The following SDCCAG8 variants were observed in gnomAD, a reference collection of about 807,000 sequenced individuals.
The protein encoded by SDCCAG8 is SHH signaling and ciliogenesis regulator SDCCAG8.
SDCCAG8 carries 74 observed loss-of-function variants against 101.8 expected under a neutral mutation model. The observed-to-expected ratio is 0.73, with a 90% CI of 0.60 to 0.88. SDCCAG8 has a LOEUF of 0.88. SDCCAG8 is among the 40% of genes least tolerant of loss of function. SDCCAG8 has a pLI of 0.00. For synonymous variants in SDCCAG8, 281 were observed against 292.9 expected (o/e 0.96, Z 0.41); for missense variants, 787 against 822.6 (o/e 0.96, Z 0.53).
At chr1:243,477,269 A>C (rs1662635158) in intron 16 of SDCCAG8, among the ~76,000 whole-genome samples, 1 of 152,200 alleles carries the variant, frequency 6.6e-6, no homozygotes, top group Admixed American at 6.5e-5. Context: ...AGCCACATGC[A>C]GCATAGATAC....
chr1:243,487,556 C>T (rs2994327), intron 16 of SDCCAG8, among the ~76,000 whole-genome samples: 34,585 of 152,182 alleles, frequency 0.23, 4,044 homozygotes, highest in East Asian at 0.35. Context: ...TTGAGGCCAG[C>T]CTGATCCTGG....
intron 17 of SDCCAG8, among the ~76,000 whole-genome samples, chr1:243,495,789 A>G (rs1218375629): frequency 1.3e-5 from 2 of 152,174 alleles, no homozygotes; most frequent in Non-Finnish European, 2.9e-5. Context: ...GTGGCGAGCC[A>G]GAGCTCACGT....
intron 16 of SDCCAG8, among the ~76,000 whole-genome samples, chr1:243,469,820 G>A (rs1028108388): frequency 6.8e-6 from 1 of 147,994 alleles, no homozygotes; most frequent in Non-Finnish European, 1.5e-5. Flanking sequence ...AGGGCTTTGC[G>A]AAAGTGTTGG....
intron 9 of SDCCAG8, among the ~76,000 whole-genome samples, chr1:243,324,602 G>A (rs1044450685): frequency 4.0e-5 from 6 of 151,660 alleles, no homozygotes; most frequent in Non-Finnish European, 8.8e-5. Context: ...GGGATTACAG[G>A]TGTGAGCCAC....
intron 9 of SDCCAG8, among the ~76,000 whole-genome samples, chr1:243,326,826 A>G (rs955059160): frequency 1.3e-5 from 2 of 152,208 alleles, no homozygotes; most frequent in African/African-American, 2.4e-5. Flanking sequence ...ATGATCTACA[A>G]TAGGTTTCCT....
intron 2 of SDCCAG8, 76 bp from the exon 3 acceptor site, chr1:243,270,902 G>A: frequency 9.5e-7 from 1 of 1,048,100 alleles, no homozygotes; most frequent in South Asian, 1.3e-5. Flanking sequence ...ATTTTTATTA[G>A]TTGGAAGGAT....
chr1:243,378,793 C>G lies in SDCCAG8; in HGVS notation c.1546C>G (p.Leu516Val). 1 of 1,614,074 alleles carries G rather than the reference C, an allele frequency of 6.2e-7. No homozygotes were observed. The highest frequency in any genetic ancestry group is 1.3e-5 in the African/African-American group (1 of 75,024). Residue 516 changes from leucine (L) to valine (V), a missense_variant, in exon 13 of 18, where the codon CTG (leucine) becomes GTG (valine). Leu to Val is a conservative substitution (Grantham distance 32). Transcript: ENST00000366541. ...HLEQEQQKAALAREECLRLTE... is the reference protein window; with the variant it reads ...HLEQEQQKAAVAREECLRLTE... Reference sequence around the variant, plus strand: ...GGAACAGGAGCAGCAGAAGGCAGCCCTGGCCAGAGAGGAGTGCCTGAGACT... The same window carrying G: ...GGAACAGGAGCAGCAGAAGGCAGCCGTGGCCAGAGAGGAGTGCCTGAGACT...
intron 13 of SDCCAG8, among the ~76,000 whole-genome samples, chr1:243,387,942 C>T (rs1400783848): frequency 1.3e-5 from 2 of 152,116 alleles, no homozygotes; most frequent in East Asian, 1.9e-4. Flanking sequence ...TCTCAAACTC[C>T]TGACCTCTGG....
At chr1:243,360,746 C>T (rs545536870) in intron 12 of SDCCAG8, among the ~76,000 whole-genome samples, 2 of 152,036 alleles carry the variant, frequency 1.3e-5, no homozygotes, top group South Asian at 4.2e-4. Flanking sequence ...CGTTTGAACC[C>T]GGGTGGTGGA....
At chr1:243,340,538 A>G (rs889844397) in intron 10 of SDCCAG8, among the ~76,000 whole-genome samples, 1 of 152,212 alleles carries the variant, frequency 6.6e-6, no homozygotes, top group African/African-American at 2.4e-5. Flanking sequence ...TTTTACCAAC[A>G]AAGGGCACTG....
chr1:243,285,001 GC>G (rs1049483775), intron 4 of SDCCAG8, among the ~76,000 whole-genome samples: 3 of 152,012 alleles, frequency 2.0e-5, no homozygotes, highest in African/African-American at 4.8e-5. Flanking sequence ...TCCTACCTCA[GC>G]CTCCTGAGTA....
chr1:243,381,364 G>A (rs968235153), intron 13 of SDCCAG8, among the ~76,000 whole-genome samples: 1 of 152,100 alleles, frequency 6.6e-6, no homozygotes, highest in Non-Finnish European at 1.5e-5. Context: ...CAAGACAGGG[G>A]AATCACTTGA....
intron 17 of SDCCAG8, among the ~76,000 whole-genome samples, chr1:243,494,104 A>C (rs1409807148): frequency 6.6e-6 from 1 of 152,242 alleles, no homozygotes; most frequent in East Asian, 1.9e-4. Flanking sequence ...TGGCGCTTGA[A>C]TAGAACAGCA....
intron 14 of SDCCAG8, among the ~76,000 whole-genome samples, chr1:243,417,257 A>G (rs1242303222): frequency 6.6e-6 from 1 of 152,184 alleles, no homozygotes; most frequent in African/African-American, 2.4e-5. Context: ...CACTGCTAGC[A>G]TGATCCTAGT....
At position 243,286,306 on chromosome 1, in the gene SDCCAG8, T is replaced by C; in HGVS notation, c.455T>C (p.Val152Ala). The C allele has an allele frequency of 1.2e-6, 2 of 1,614,026 alleles. No homozygotes were observed. Among genetic ancestry groups the C allele is most frequent in the South Asian group, 2.2e-5 (2 of 91,082 alleles). The change falls in exon 5 of 18, where the codon GTA (valine) becomes GCA (alanine). Residue 152 changes from valine to alanine, a missense_variant. Physicochemically the swap from Val to Ala is moderately conservative, Grantham distance 64 (BLOSUM62 0). Transcript: ENST00000366541. ...ELSGMKNKIQ[V>A]VVLENEGLQQ... ...TCTGGAATGAAAAATAAAATACAAG[T>C]AGTTGTGCTTGAAAACGAAGGGCTC...
At chr1:243,348,202 ATTTTTT>A (rs74162279) in intron 12 of SDCCAG8, among the ~76,000 whole-genome samples, 377 of 131,638 alleles carry the variant, frequency 2.9e-3, no homozygotes, top group African/African-American at 6.1e-3. Context: ...CGCCCGGCTA[ATTTTTT>A]TTTTTTTTTT....
At chr1:243,496,892 A>T (rs1668053560) in intron 17 of SDCCAG8, among the ~76,000 whole-genome samples, 1 of 152,236 alleles carries the variant, frequency 6.6e-6, no homozygotes, top group Non-Finnish European at 1.5e-5. Flanking sequence ...GTGCCTGCAG[A>T]TGGGGGCACG....
At chr1:243,437,380 T>TCATACA (rs559008686) in intron 16 of SDCCAG8, among the ~76,000 whole-genome samples, 165 of 152,130 alleles carry the variant, frequency 1.1e-3, no homozygotes, top group Non-Finnish European at 1.9e-3. Context: ...TATACGGTAA[T>TCATACA]CATACAGGTG....
At chr1:243,304,871 TCAGA>T (rs2071927222) in intron 7 of SDCCAG8, 94 bp downstream of exon 7, 14 of 809,700 alleles carry the variant, frequency 1.7e-5, no homozygotes. Context: ...TTAGTCATTA[TCAGA>T]CTTACTTGAT....
Sources: gnomAD v4.1 joint callset for allele counts (sites outside exome capture counted in the v4.1 genomes callset) on GRCh38, gnomAD v4.1.1 for gene constraint, MANE v1.5 for transcripts, NCBI Gene and HGNC (gene_info 2026-07-23, HGNC 2026-07-21) for gene names.